Variants in MICALL2 observed in about 807,000 individuals in gnomAD.
The protein encoded by MICALL2 is MICAL-like protein 2.
In MICALL2, 111 loss-of-function variants were observed where a neutral mutation model predicts 91.1. The observed-to-expected ratio is 1.22, with a 90% CI of 1.04 to 1.43. The LOEUF (loss-of-function observed/expected upper bound fraction) is 1.43. Ranked by LOEUF, MICALL2 falls within the 40% of genes most tolerant of loss-of-function variation. The probability of loss-of-function intolerance (pLI) is 0.00; values close to 1 mark genes in which losing one functional copy is unlikely to be tolerated. For synonymous variants in MICALL2, 694 were observed against 525.3 expected (o/e 1.32, Z -4.39); for missense variants, 1,556 against 1,236.0 (o/e 1.26, Z -3.88).
chr7:1,435,962 G>A (rs1159465032), intron 15 of MICALL2, among the ~76,000 whole-genome samples: 1 of 151,672 alleles, frequency 6.6e-6, no homozygotes, highest in African/African-American at 2.4e-5. Flanking sequence ...TGAGGCAGGA[G>A]AATGGCATGA....
intron 6 of MICALL2, among the ~76,000 whole-genome samples, chr7:1,443,882 G>GC (rs999862217): frequency 2.6e-5 from 4 of 152,162 alleles, no homozygotes; most frequent in African/African-American, 7.2e-5. Context: ...CTGATGCAGC[G>GC]CCCCCCTCTA....
At chr7:1,447,309 G>A (rs1780643607) in intron 4 of MICALL2, among the ~76,000 whole-genome samples, 2 of 152,194 alleles carry the variant, frequency 1.3e-5, no homozygotes, top group Admixed American at 6.5e-5. Context: ...CCCCGGGAGA[G>A]AGGTATCCTG....
Position 1,434,853 on chromosome 7 carries a change from G to A in MICALL2, c.2639-181C>T, listed in dbSNP as rs542746054. 103 of 743,258 alleles carry A rather than the reference G, an allele frequency of 1.4e-4. 1 individual carries two copies. Among genetic ancestry groups the A allele is most frequent in the South Asian group, 3.0e-4 (16 of 53,896 alleles). 46.0% of individuals were successfully genotyped at this position (743,258 alleles called of 1,614,324 possible). ...AGAACCTGCCCCGACTGGGTGCCCC[G>A]GAGGGCTGGTCCCCACCATGACCAC... On this transcript the variant is annotated intron_variant, in intron 16 of 16. Coordinates refer to ENST00000297508, the MANE Select transcript of MICALL2 (RefSeq NM_182924.4).
chr7:1,437,467 C>A, intron 14 of MICALL2, 68 bp downstream of exon 14: 2 of 1,382,834 alleles, frequency 1.4e-6, no homozygotes, highest in African/African-American at 3.0e-5. Context: ...ACAGAGCCGG[C>A]CCCCAGACAT....
intron 6 of MICALL2, 144 bp from the exon 7 acceptor site, chr7:1,442,628 C>A (rs1410416108): frequency 4.0e-6 from 3 of 747,952 alleles, no homozygotes; most frequent in Non-Finnish European, 6.4e-6. Flanking sequence ...AGGCCACCCT[C>A]CACCTCCCCC....
In MICALL2 at chr7:1,452,179, C is replaced by G. The variant is rs1042399258; in HGVS notation, c.144-1891G>C. Among the ~76,000 whole-genome samples the G allele has an allele frequency of 3.9e-5, 6 of 152,220 alleles. No homozygotes were observed. The highest frequency in any genetic ancestry group is 1.2e-4 in the African/African-American group (5 of 41,450). ...CTGCACAGGCGGAGCTTCTGCACGC[C>G]GGACAAGATGGGGCGCGGACTCCTC... On this transcript the variant is annotated intron_variant, in intron 1 of 16. Transcript: ENST00000297508. This position sits in a 1 kb window ranked among gnomAD's most constrained non-coding sequence, Gnocchi z 6.2.
rs112396048 is a variant in MICALL2, at chr7:1,434,569, G to A, written c.*27C>T. Reference sequence around the variant, plus strand: ...GAGTCCAAGTCCGGATGCCAGGTCCGGGCCGAGCCCACGGCCCTACTGGCT... The same window carrying A: ...GAGTCCAAGTCCGGATGCCAGGTCCAGGCCGAGCCCACGGCCCTACTGGCT... On this transcript the variant is annotated 3_prime_UTR_variant, in exon 17 of 17. Coordinates refer to ENST00000297508, the MANE Select transcript of MICALL2 (RefSeq NM_182924.4). 164 of 1,591,816 alleles carry A rather than the reference G, an allele frequency of 1.0e-4. 2 individuals are homozygous for A. Among genetic ancestry groups the A allele is most frequent in the African/African-American group, 7.6e-4 (57 of 74,668 alleles).
rs1419274558 is a variant in MICALL2, at chr7:1,438,230, G to C, written c.2188-10C>G. 6.3e-7 allele frequency: 1 copy of C among 1,588,186 alleles called. No individual in the cohort carries two copies. The highest frequency in any genetic ancestry group is 1.3e-5 in the African/African-American group (1 of 74,714). ...GGTAGTCGGGGTGCAGCTGGGAACGGAGGGGCGGTGAGGATGCCGGAGGGC... is the reference window on the plus strand; with the variant it reads ...GGTAGTCGGGGTGCAGCTGGGAACGCAGGGGCGGTGAGGATGCCGGAGGGC... On this transcript the variant is annotated splice_polypyrimidine_tract_variant and intron_variant, in intron 11 of 16. Transcript: ENST00000297508.
At chr7:1,435,361 A>T (rs1219023775) in intron 15 of MICALL2, among the ~76,000 whole-genome samples, 1 of 151,612 alleles carries the variant, frequency 6.6e-6, no homozygotes, top group African/African-American at 2.4e-5. Context: ...CAACAGTGAC[A>T]TGGTACAGGA....
intron 6 of MICALL2, among the ~76,000 whole-genome samples, chr7:1,443,957 A>C (rs1303035393): frequency 6.6e-6 from 1 of 152,072 alleles, no homozygotes; most frequent in Non-Finnish European, 1.5e-5. Context: ...ATGGAAGGTC[A>C]GGGCCTGGCT....
chr7:1,442,623 A>C (rs1780356845), intron 6 of MICALL2, 139 bp from the exon 7 acceptor site: 2 of 767,104 alleles, frequency 2.6e-6, no homozygotes, highest in African/African-American at 3.8e-5. Context: ...ACCCCAGGCC[A>C]CCCTCCACCT....
At position 1,451,985 on chromosome 7, in the gene MICALL2, G is replaced by T. The variant is rs1269625481; in HGVS notation, c.144-1697C>A. Among the ~76,000 whole-genome samples the T allele has an allele frequency of 9.2e-5, 14 of 152,194 alleles. No individual in the cohort carries two copies. The highest frequency in any genetic ancestry group is 9.2e-4 in the Admixed American group (14 of 15,286). On this transcript the variant is annotated intron_variant, in intron 1 of 16. Transcript: ENST00000297508. This position sits in a 1 kb window ranked among gnomAD's most constrained non-coding sequence, Gnocchi z 4.5. Reference sequence around the variant, plus strand: ...GCAGCAGCCACACGGTGGGGTGGGGGCAGTGGGATGGGGGCTGCAGGCTGC... The same window carrying T: ...GCAGCAGCCACACGGTGGGGTGGGGTCAGTGGGATGGGGGCTGCAGGCTGC...
chr7:1,456,831 C>T (rs943903160), intron 1 of MICALL2, among the ~76,000 whole-genome samples: 14 of 151,836 alleles, frequency 9.2e-5, no homozygotes, highest in Admixed American at 3.3e-4. Flanking sequence ...CCCTGGTGCA[C>T]ACCCGACCCC....
chr7:1,447,642 G>A lies in MICALL2; in HGVS notation c.458C>T (p.Ser153Phe), dbSNP rs146108745. 0.01 allele frequency: 16,461 copies of A among 1,597,660 alleles called. 100 individuals are homozygous for A. The highest frequency in any genetic ancestry group is 0.012 in the Non-Finnish European group (14,399 of 1,172,976). The change falls in exon 4 of 17, where the codon TCT becomes TTT. Residue 153 changes from serine (S) to phenylalanine (F), a missense_variant. Physicochemically the swap from Ser to Phe is radical, Grantham distance 155. Coordinates refer to ENST00000297508, the MANE Select transcript of MICALL2 (RefSeq NM_182924.4). ...GACCACAGGGTTTGTCTGGGCTGGAGATAGTGGAGGCTTCCGGGCTGGGGC... is the reference window on the plus strand; with the variant it reads ...GACCACAGGGTTTGTCTGGGCTGGAAATAGTGGAGGCTTCCGGGCTGGGGC... ...SPAPARKPPL[S>F]PAQTNPVVQR... is the part of the protein sequence containing the mutation.
rs778125071 is a variant in MICALL2 at position 1,437,975 on chromosome 7, C to T, written c.2317G>A (p.Ala773Thr). 51 of 1,550,368 alleles carry T rather than the reference C, an allele frequency of 3.3e-5. No individual in the cohort carries two copies. The highest frequency in any genetic ancestry group is 6.8e-5 in the African/African-American group (5 of 73,176). ...CAGTCCACCATGAGGCTATCCTCAGCGTCATCTGGGGAGAGGAGCCAGCTG... is the reference window on the plus strand; with the variant it reads ...CAGTCCACCATGAGGCTATCCTCAGTGTCATCTGGGGAGAGGAGCCAGCTG... ...KRLRAAEGDD[A>T]EDSLMVDWFW... is the part of the protein sequence containing the mutation. Residue 773 changes from alanine (A) to threonine (T), a missense_variant, in exon 13 of 17, where the codon GCT (alanine) becomes ACT (threonine). Transcript: ENST00000297508.
chr7:1,442,444 TG>T lies in MICALL2; in HGVS notation c.1458del (p.Thr488LeufsTer9). The T allele has an allele frequency of 6.4e-7, 1 of 1,554,884 alleles. No individual in the cohort carries two copies. Among genetic ancestry groups the T allele is most frequent in the Non-Finnish European group, 8.7e-7 (1 of 1,148,782 alleles). On this transcript the variant is annotated frameshift_variant, in exon 7 of 17. Transcript: ENST00000297508. LOFTEE classifies it high-confidence loss of function. ...GGACTTGCTTGTGGTGCTTCAGTTTTGGGCTGAGAACTGGGAACAGCGGCAG... is the reference window on the plus strand; with the variant it reads ...GGACTTGCTTGTGGTGCTTCAGTTTTGGCTGAGAACTGGGAACAGCGGCAG... ...PATAAVPSSQPKTEAPQASPL... is the reference protein window; with the variant it reads ...PATAAVPSSQXKTEAPQASPL...
chr7:1,457,530 CT>C (rs1781064252), intron 1 of MICALL2, among the ~76,000 whole-genome samples: 1 of 152,244 alleles, frequency 6.6e-6, no homozygotes, highest in Non-Finnish European at 1.5e-5. Flanking sequence ...CTGAGGGGAA[CT>C]GGCACAGGAC....
At chr7:1,439,132 T>TG in intron 9 of MICALL2, 137 bp from the exon 10 acceptor site, 1 of 707,178 alleles carries the variant, frequency 1.4e-6, no homozygotes, top group Admixed American at 2.9e-5. Flanking sequence ...GGCACAGGGT[T>TG]GGCATCACAA....
Position 1,442,222 on chromosome 7 carries a change from C to T in MICALL2, c.1681G>A (p.Ala561Thr). The T allele has an allele frequency of 2.5e-6, 4 of 1,612,766 alleles. No homozygotes were observed. Among genetic ancestry groups the T allele is most frequent in the Non-Finnish European group, 3.4e-6 (4 of 1,179,912 alleles). The change falls in exon 7 of 17, where the codon GCA becomes ACA. Residue 561 changes from alanine to threonine, a missense_variant. Transcript: ENST00000297508. ...GSRPKPEAPM[A>T]KGKSTTLTQD... is the part of the protein sequence containing the mutation. ...GTTAAGGTGGTGCTTTTACCCTTTG[C>T]CATCGGGGCCTCTGGCTTCGGCCTG... is the stretch of plus-strand genomic sequence containing the variant.
Sources: allele counts gnomAD v4.1 joint callset (sites outside exome capture counted in the v4.1 genomes callset), GRCh38; gene constraint gnomAD v4.1.1; non-coding constraint Gnocchi (gnomAD v3.1); transcripts MANE v1.5; gene names NCBI Gene and HGNC (gene_info 2026-07-23, HGNC 2026-07-21).